The following PKHD1 variants were observed in gnomAD, a reference collection of about 807,000 sequenced individuals.
The protein encoded by PKHD1 is PKHD1 ciliary IPT domain containing fibrocystin/polyductin.
PKHD1 carries 291 observed loss-of-function variants against 412.0 expected under a neutral mutation model. The observed-to-expected ratio is 0.71, with a 90% CI of 0.64 to 0.78. PKHD1 has a LOEUF of 0.78. PKHD1 is among the 30% of genes least tolerant of loss of function. PKHD1 has a pLI of 0.00. For synonymous variants in PKHD1, 1,777 were observed against 1,821.5 expected, an observed-to-expected ratio of 0.98 and a Z score of 0.62; for missense variants, 4,825 against 4,950.7, an observed-to-expected ratio of 0.97 and a Z score of 0.76.
chr6:52,037,306 A>G (rs990363482), intron 27 of PKHD1, among the ~76,000 whole-genome samples: 6 of 152,118 alleles, frequency 3.9e-5, no homozygotes, highest in African/African-American at 1.4e-4. Context: ...TTATTTTCAT[A>G]TAATTTCAGA....
At chr6:51,934,047 T>C (rs972220568) in intron 37 of PKHD1, 63 bp downstream of exon 37, 2 of 1,286,692 alleles carry the variant, frequency 1.6e-6, no homozygotes, top group African/African-American at 2.9e-5. Flanking sequence ...TTAAACAGTT[T>C]TATCAGTTTC....
At chr6:52,056,035 G>A (rs534831953) in intron 18 of PKHD1, among the ~76,000 whole-genome samples, 15 of 152,294 alleles carry the variant, frequency 9.8e-5, no homozygotes, top group Middle Eastern at 3.4e-3. Context: ...CTTTGTTGTA[G>A]GGGCTGTCCT....
intron 49 of PKHD1, among the ~76,000 whole-genome samples, chr6:51,851,482 C>T (rs1772236028): frequency 1.3e-5 from 2 of 152,130 alleles, no homozygotes. Flanking sequence ...GTACCAGTTC[C>T]TCTTTGTACC....
At position 51,632,547 on chromosome 6, in the gene PKHD1, A is replaced by T. The variant is rs1244453411; in HGVS notation, c.11665+18T>A. On this transcript the variant is annotated intron_variant, in intron 65 of 66. Coordinates refer to ENST00000371117, the MANE Select transcript of PKHD1 (RefSeq NM_138694.4). The stretch of plus-strand genomic sequence containing the variant: ...TTTTCAGAAATTTTCATTCCAAAAT[A>T]AAAAAAAAACTACATACTTCTGCTT... 1.2e-5 allele frequency: 18 copies of T among 1,475,066 alleles called. No homozygotes were observed. The highest frequency in any genetic ancestry group is 3.6e-5 in the South Asian group (3 of 84,382). The allele number at this position is 1,475,066 out of a possible 1,614,324, so 91.4% of individuals were successfully genotyped here.
intron 21 of PKHD1, among the ~76,000 whole-genome samples, chr6:52,050,819 A>ACG (rs1806718409): frequency 6.6e-6 from 1 of 152,140 alleles, no homozygotes; most frequent in Non-Finnish European, 1.5e-5. Context: ...TTTCACTTCT[A>ACG]TTGGATTCCC....
chr6:51,896,863 G>T (rs1264911757), intron 43 of PKHD1, among the ~76,000 whole-genome samples: 1 of 152,128 alleles, frequency 6.6e-6, no homozygotes, highest in African/African-American at 2.4e-5. Context: ...ACTACGTGAA[G>T]AATGCAGAAG....
Position 51,836,434 on chromosome 6 carries a change from C to G in PKHD1, c.8143G>C (p.Val2715Leu). The change falls in exon 51 of 67, where the codon GTG becomes CTG. Residue 2715 changes from valine (V) to leucine (L), a missense_variant. Physicochemically the swap from Val to Leu is conservative, Grantham distance 32 (BLOSUM62 1). Coordinates refer to ENST00000371117, the MANE Select transcript of PKHD1 (RefSeq NM_138694.4). ...ATAGTTGGGGGCATACCTTCCTTCA[C>G]CCGGAGAATGACTTGAACTTGGCCT... ...GEGQVQVILR[V>L]KEGMPPTISA... 2.5e-6 allele frequency: 4 copies of G among 1,613,258 alleles called. No homozygotes were observed. Among genetic ancestry groups the G allele is most frequent in the South Asian group, 1.1e-5 (1 of 91,060 alleles).
At chr6:51,922,386 T>G (rs1784841278) in intron 37 of PKHD1, among the ~76,000 whole-genome samples, 1 of 152,206 alleles carries the variant, frequency 6.6e-6, no homozygotes, top group South Asian at 2.1e-4. Context: ...TGTCTCCCAT[T>G]TAGGCTACTC....
chr6:51,815,376 A>G (rs1227903515), intron 52 of PKHD1, among the ~76,000 whole-genome samples: 2 of 152,208 alleles, frequency 1.3e-5, no homozygotes, highest in Non-Finnish European at 2.9e-5. Context: ...ATTAAATCAA[A>G]TGAGGATTCG....
intron 34 of PKHD1, among the ~76,000 whole-genome samples, chr6:52,012,358 G>A (rs1208270055): frequency 6.6e-6 from 1 of 152,138 alleles, no homozygotes; most frequent in Non-Finnish European, 1.5e-5. Flanking sequence ...AAATGTAAAT[G>A]TGGAAATTTA....
chr6:52,046,200 G>T lies in PKHD1; in HGVS notation c.2408-12C>A, dbSNP rs1207504818. The T allele has an allele frequency of 3.7e-6, 6 of 1,600,376 alleles. No individual in the cohort carries two copies. Among genetic ancestry groups the T allele is most frequent in the African/African-American group, 2.7e-5 (2 of 74,748 alleles). On this transcript the variant is annotated splice_polypyrimidine_tract_variant and intron_variant, in intron 23 of 66. Transcript: ENST00000371117. ...TTGTACAGGGACATCTGTGAGAGAAGGTTTTGATACAGAAAACACAGACAC... is the reference window on the plus strand; with the variant it reads ...TTGTACAGGGACATCTGTGAGAGAATGTTTTGATACAGAAAACACAGACAC...
chr6:51,628,324 C>G (rs1767532173), intron 65 of PKHD1, among the ~76,000 whole-genome samples: 1 of 152,112 alleles, frequency 6.6e-6, no homozygotes, highest in African/African-American at 2.4e-5. Flanking sequence ...TGACAACATG[C>G]AGTATTTGGT....
chr6:52,083,135 G>T (rs761270917), intron 3 of PKHD1, 43 bp downstream of exon 3: 3 of 1,233,436 alleles, frequency 2.4e-6, no homozygotes, highest in Non-Finnish European at 3.6e-6. Context: ...AGGATTGTGG[G>T]TCAATACATA....
chr6:51,619,298 T>C lies in PKHD1; in HGVS notation c.12008A>G (p.Gln4003Arg), dbSNP rs373908029. The C allele has an allele frequency of 1.2e-6, 2 of 1,614,274 alleles. No individual in the cohort carries two copies. Among genetic ancestry groups the C allele is most frequent in the Non-Finnish European group, 8.5e-7 (1 of 1,180,042 alleles). Reference protein sequence around the residue: ...LQETGNWKEGQEQLLRYQLAG... With the variant: ...LQETGNWKEGREQLLRYQLAG... ...CAGCTGGTATCTGAGCAACTGCTCTTGGCCCTCCTTCCAGTTCCCAGTCTC... is the reference window on the plus strand; with the variant it reads ...CAGCTGGTATCTGAGCAACTGCTCTCGGCCCTCCTTCCAGTTCCCAGTCTC... The change falls in exon 67 of 67, where the codon CAA (glutamine) becomes CGA (arginine). Residue 4003 changes from glutamine (Q) to arginine (R), a missense_variant. Gln to Arg is a conservative substitution (Grantham distance 43). Coordinates refer to ENST00000371117, the MANE Select transcript of PKHD1 (RefSeq NM_138694.4).
chr6:51,834,406 C>T (rs148515356), intron 51 of PKHD1, among the ~76,000 whole-genome samples: 1 of 152,032 alleles, frequency 6.6e-6, no homozygotes, highest in African/African-American at 2.4e-5. Context: ...TGACCATGGA[C>T]AATATGTGCA....
intron 21 of PKHD1, among the ~76,000 whole-genome samples, chr6:52,052,625 G>A (rs951066066): frequency 6.6e-6 from 1 of 152,136 alleles, no homozygotes; most frequent in African/African-American, 2.4e-5. Context: ...CTCATGGAAA[G>A]GTGGAGAAAT....
At chr6:51,953,103 G>A (rs779867966) in intron 36 of PKHD1, among the ~76,000 whole-genome samples, 7 of 152,104 alleles carry the variant, frequency 4.6e-5, no homozygotes, top group Non-Finnish European at 7.4e-5. Flanking sequence ...CAACCTTGTT[G>A]TATTGTCTGC....
In PKHD1 at chr6:51,909,435, A is replaced by G; in HGVS notation, c.6530T>C (p.Met2177Thr). The G allele has an allele frequency of 1.2e-6, 2 of 1,613,472 alleles. No homozygotes were observed. Among genetic ancestry groups the G allele is most frequent in the Middle Eastern group, 1.7e-4 (1 of 6,054 alleles). The part of the protein sequence containing the change: ...QHCLYSMSEK[M>T]LGSRDMGARV... ...GGCTCCCATATCCCTGGATCCTAGC[A>G]TCTTCTCACTCATGGAATACAAACA... Residue 2177 changes from methionine to threonine, a missense_variant, in exon 40 of 67, where the codon ATG becomes ACG. Physicochemically the swap from Met to Thr is moderately conservative, Grantham distance 81. Transcript: ENST00000371117.
intron 35 of PKHD1, among the ~76,000 whole-genome samples, chr6:51,989,642 C>T (rs558431831): frequency 6.6e-6 from 1 of 151,948 alleles, no homozygotes; most frequent in South Asian, 2.1e-4. Context: ...TATTATTTTT[C>T]ACTCGAGTCA....
Sources: gnomAD v4.1 joint callset for allele counts (sites outside exome capture counted in the v4.1 genomes callset) on GRCh38, gnomAD v4.1.1 for gene constraint, MANE v1.5 for transcripts, NCBI Gene and HGNC (gene_info 2026-07-23, HGNC 2026-07-21) for gene names.